ANKRD11: variants seen among roughly 807,000 people sequenced by gnomAD.
ANKRD11 encodes ankyrin repeat domain 11, also known as ankyrin repeat domain-containing protein 11.
Under a neutral mutation model 195.7 loss-of-function variants are expected in ANKRD11, and 17 were observed. The ratio of observed to expected loss-of-function variants is 0.09; its 90% CI spans 0.06 to 0.13. ANKRD11 has a LOEUF of 0.13. ANKRD11 is among the 10% of genes least tolerant of loss of function. The pLI is 1.00. For missense variants in ANKRD11, 3,735 were observed against 3,566.1 expected (o/e 1.05, Z -1.21); for synonymous variants, 1,953 against 1,528.1 (o/e 1.28, Z -6.49).
chr16:89,301,065 C>T, intron 4 of ANKRD11: 2 of 554,076 alleles, frequency 3.6e-6, no homozygotes, highest in Non-Finnish European at 3.2e-6. Flanking sequence ...CAATGATGCA[C>T]AGCAACCTCA....
At chr16:89,304,560 A>C (rs1186777633) in intron 4 of ANKRD11, among the ~76,000 whole-genome samples, 1 of 151,446 alleles carries the variant, frequency 6.6e-6, no homozygotes, top group Non-Finnish European at 1.5e-5. Flanking sequence ...ATACACGGGC[A>C]CACACATACA....
chr16:89,457,380 T>C (rs1021881401), intron 1 of ANKRD11, among the ~76,000 whole-genome samples: 4 of 151,350 alleles, frequency 2.6e-5, no homozygotes, highest in Non-Finnish European at 2.9e-5. Flanking sequence ...GGGCAGATCA[T>C]GCGGTCAGGA....
At chr16:89,467,000 G>T (rs1349793572) in intron 1 of ANKRD11, among the ~76,000 whole-genome samples, 1 of 152,232 alleles carries the variant, frequency 6.6e-6, no homozygotes, top group Non-Finnish European at 1.5e-5. Flanking sequence ...TGATCTGAAA[G>T]GAGCTAGTTA....
chr16:89,391,183 G>C (rs981605774), intron 2 of ANKRD11, among the ~76,000 whole-genome samples: 3 of 148,950 alleles, frequency 2.0e-5, no homozygotes, highest in African/African-American at 7.5e-5. Flanking sequence ...AGCCGAGATC[G>C]CGCCACTGAA....
At chr16:89,290,992 C>T in intron 5 of ANKRD11, 21 bp downstream of exon 5, 6 of 1,610,502 alleles carry the variant, frequency 3.7e-6, no homozygotes, top group East Asian at 2.2e-5. Flanking sequence ...GCGCCAGGGA[C>T]CACCCACAGG....
rs1219898957 is a variant in ANKRD11, at chr16:89,283,282, T to C, written c.3260A>G (p.Lys1087Arg). The change falls in exon 9 of 13, where the codon AAG becomes AGG. Residue 1087 changes from lysine (K) to arginine (R), a missense_variant. Transcript: ENST00000301030. The surrounding 1 kb of genome is among the most constrained non-coding windows in gnomAD (Gnocchi z 4.3). ...KASLDQGKEK[K>R]EKAFPGIISE... ...GATGATCCCAGGGAAAGCCTTCTCC[T>C]TCTTCTCTTTCCCTTGGTCGAGAGA... 1 of 1,614,088 alleles carries C rather than the reference T, an allele frequency of 6.2e-7. No individual in the cohort carries two copies. The highest frequency in any genetic ancestry group is 8.5e-7 in the Non-Finnish European group (1 of 1,180,042).
chr16:89,271,958 C>T (rs548850489), intron 11 of ANKRD11: 2 of 152,182 alleles, frequency 1.3e-5, no homozygotes, highest in South Asian at 2.1e-4. Flanking sequence ...TGAAAAGACA[C>T]GCACAGAATG....
At position 89,291,050 on chromosome 16, in the gene ANKRD11, G is replaced by A; in HGVS notation, c.360C>T (p.Leu120=). 2 of 1,613,098 alleles carry A rather than the reference G, an allele frequency of 1.2e-6. No individual in the cohort carries two copies. Among genetic ancestry groups the A allele is most frequent in the Non-Finnish European group, 1.7e-6 (2 of 1,179,880 alleles). ...PLSERQQVAL[L]MQMTAEESAN... ...CAGACTCCTCGGCCGTCATCTGCAT[G>A]AGAAGGGCCACCTGCTGGCGCTCGG... is the stretch of plus-strand genomic sequence containing the variant. The change falls in exon 5 of 13, where the codon CTC becomes CTT. Residue 120 remains leucine, a synonymous_variant. Transcript: ENST00000301030. This position sits in a 1 kb window ranked among gnomAD's most constrained non-coding sequence, Gnocchi z 5.3.
chr16:89,286,423 C>T, intron 7 of ANKRD11: 2 of 628,542 alleles, frequency 3.2e-6, no homozygotes, highest in Non-Finnish European at 5.4e-6. Flanking sequence ...TCCCGCACCC[C>T]TCCTGTGCTC....
chr16:89,278,650 G>T, intron 9 of ANKRD11: 1 of 464,636 alleles, frequency 2.2e-6, no homozygotes, highest in East Asian at 6.8e-5. Context: ...GTGCAGGTAT[G>T]GAGGCTCAGG....
intron 2 of ANKRD11, chr16:89,372,825 ACTCACT>A (rs1478909281): frequency 6.6e-6 from 1 of 152,166 alleles, no homozygotes; most frequent in Admixed American, 6.5e-5. Context: ...TGTGGCAGGG[ACTCACT>A]GAAAGTTACT....
chr16:89,337,415 T>C (rs1482036739), intron 2 of ANKRD11, among the ~76,000 whole-genome samples: 2 of 135,384 alleles, frequency 1.5e-5, no homozygotes, highest in Non-Finnish European at 3.1e-5. Context: ...TACATGAACA[T>C]GGTCTAAGCA....
chr16:89,419,634 G>A (rs2042432919), intron 1 of ANKRD11, among the ~76,000 whole-genome samples: 1 of 152,156 alleles, frequency 6.6e-6, no homozygotes, highest in South Asian at 2.1e-4. Context: ...CAGAACCAGG[G>A]AAGGAAGCAC....
intron 2 of ANKRD11, among the ~76,000 whole-genome samples, chr16:89,338,185 ACT>A (rs2038473728): frequency 6.6e-6 from 1 of 151,666 alleles, no homozygotes. Flanking sequence ...CCCGAGACGC[ACT>A]CTCACTGTGC....
chr16:89,353,161 G>A (rs540840248), intron 2 of ANKRD11, among the ~76,000 whole-genome samples: 1 of 152,044 alleles, frequency 6.6e-6, no homozygotes, highest in Non-Finnish European at 1.5e-5. Context: ...GGCCAATATG[G>A]TGAAACCCCG....
chr16:89,358,285 G>A (rs2039577537), intron 2 of ANKRD11, among the ~76,000 whole-genome samples: 1 of 152,352 alleles, frequency 6.6e-6, no homozygotes, highest in Non-Finnish European at 1.5e-5. Flanking sequence ...GCACACAGGC[G>A]TGTTCCTTCC....
chr16:89,350,106 A>G (rs541767732), intron 2 of ANKRD11, among the ~76,000 whole-genome samples: 2 of 152,308 alleles, frequency 1.3e-5, no homozygotes, highest in Admixed American at 1.3e-4. Flanking sequence ...GACAAGCAAC[A>G]TCATTTGTCA....
intron 3 of ANKRD11, among the ~76,000 whole-genome samples, chr16:89,315,952 G>A (rs1167157283): frequency 6.6e-6 from 1 of 152,156 alleles, no homozygotes; most frequent in Non-Finnish European, 1.5e-5. Context: ...GTGACCTGGG[G>A]ACCAGAAGGC....
At chr16:89,286,309 T>G in intron 7 of ANKRD11, 123 bp from the exon 8 acceptor site, 1 of 1,394,722 alleles carries the variant, frequency 7.2e-7, no homozygotes, top group Non-Finnish European at 1.0e-6. Context: ...CCCCTCACGG[T>G]CTGAGGGTGT....
Sources: gnomAD v4.1 joint callset for allele counts (sites outside exome capture counted in the v4.1 genomes callset) on GRCh38, gnomAD v4.1.1 for gene constraint, Gnocchi (gnomAD v3.1) non-coding constraint, MANE v1.5 for transcripts, NCBI Gene and HGNC (gene_info 2026-07-23, HGNC 2026-07-21) for gene names.